The following EIF2AK2 variants were observed in gnomAD, a reference collection of about 807,000 sequenced individuals.
EIF2AK2 encodes interferon-induced, double-stranded RNA-activated protein kinase.
Under a neutral mutation model 70.5 loss-of-function variants are expected in EIF2AK2, and 40 were observed. That is an observed-to-expected ratio of 0.57 (90% CI 0.44 to 0.74). The LOEUF is 0.74. Ranked by LOEUF, EIF2AK2 falls within the 30% of genes least tolerant of loss-of-function variation. The pLI is 0.00. For missense variants in EIF2AK2, 555 were observed against 644.3 expected, an observed-to-expected ratio of 0.86 and a Z score of 1.50; for synonymous variants, 198 against 220.9, an observed-to-expected ratio of 0.90 and a Z score of 0.92.
chr2:37,114,850 T>C lies in EIF2AK2; in HGVS notation c.1258A>G (p.Ile420Val). ...LIHRDLKPSN[I>V]FLVDTKQVKI... ...ACTTGTTTTGTATCTACTAAGAATA[T>C]ATTACTTGGCTATGAAAAAAAAAAA... The change falls in exon 14 of 17, where the codon ATA becomes GTA. Residue 420 changes from isoleucine (I) to valine (V), a missense_variant. Ile to Val is a conservative substitution (Grantham distance 29). Transcript: ENST00000233057. The C allele has an allele frequency of 6.4e-7, 1 of 1,569,768 alleles. No individual in the cohort carries two copies. Among genetic ancestry groups the C allele is most frequent in the East Asian group, 2.3e-5 (1 of 43,858 alleles).
chr2:37,125,005 ATTATTT>A (rs1401481169), intron 11 of EIF2AK2, among the ~76,000 whole-genome samples: 2 of 151,586 alleles, frequency 1.3e-5, no homozygotes, highest in Non-Finnish European at 2.9e-5. Context: ...TATTCTTTTT[ATTATTT>A]TTATTTTTAT....
rs1171064420 is a variant in EIF2AK2 at position 37,103,394 on chromosome 2, C to T, written c.*3879G>A. On this transcript the variant is annotated 3_prime_UTR_variant, in exon 17 of 17. Transcript: ENST00000233057. ...TATTTTTAGTAGAGATGGGGTTTCA[C>T]CATGTTGGCCAGGCTGGTCTCGAAC... 1 of 152,076 alleles carries T rather than the reference C, an allele frequency of 6.6e-6. No individual in the cohort carries two copies. Among genetic ancestry groups the T allele is most frequent in the South Asian group, 2.1e-4 (1 of 4,818 alleles). 9.4% of individuals were successfully genotyped at this position (152,076 alleles called of 1,614,324 possible).
intron 9 of EIF2AK2, 105 bp from the exon 10 acceptor site, chr2:37,135,651 C>T: frequency 2.0e-6 from 2 of 1,008,296 alleles, no homozygotes; most frequent in Non-Finnish European, 2.9e-6. Context: ...TCTTCAGAGG[C>T]AAGGTCTCAC....
At chr2:37,139,592 T>C (rs1486042965) in intron 6 of EIF2AK2, 39 bp downstream of exon 6, 1 of 1,598,398 alleles carries the variant, frequency 6.3e-7, no homozygotes, top group Non-Finnish European at 8.5e-7. Context: ...TCAGAGGGAA[T>C]TTTAAAACAT....
rs138060765 is a variant in EIF2AK2, at chr2:37,124,123, A to G, written c.909-1459T>C. 2.9e-3 allele frequency among the ~76,000 whole-genome samples: 439 copies of G among 151,736 alleles called. 5 individuals are homozygous for G. Among genetic ancestry groups the G allele is most frequent in the African/African-American group, 0.01 (423 of 41,312 alleles). On this transcript the variant is annotated intron_variant, in intron 11 of 16. Transcript: ENST00000233057. ...GCTAGGACCACAGGCACACACCACC[A>G]CACTTGGCTAGTTTTTATATTTTTT...
At chr2:37,156,321 G>C (rs1202169160) in intron 1 of EIF2AK2, among the ~76,000 whole-genome samples, 1 of 152,150 alleles carries the variant, frequency 6.6e-6, no homozygotes, top group Non-Finnish European at 1.5e-5. Context: ...GGAAAGCTAC[G>C]GGGAAGGTCG....
At chr2:37,134,910 G>T (rs763037957) in intron 10 of EIF2AK2, among the ~76,000 whole-genome samples, 3 of 152,130 alleles carry the variant, frequency 2.0e-5, no homozygotes, top group Non-Finnish European at 4.4e-5. Flanking sequence ...GGAAGAGGAG[G>T]GCCATCCACG....
chr2:37,125,968 G>A (rs1226806599), intron 11 of EIF2AK2, among the ~76,000 whole-genome samples: 1 of 152,156 alleles, frequency 6.6e-6, no homozygotes, highest in African/African-American at 2.4e-5. Context: ...GGTAATGATA[G>A]GTTCTATCTG....
intron 4 of EIF2AK2, among the ~76,000 whole-genome samples, chr2:37,144,620 G>A (rs1378013545): frequency 2.0e-5 from 3 of 150,032 alleles, no homozygotes; most frequent in South Asian, 4.2e-4. Context: ...GTCTTGCTCT[G>A]TTGCCCAGGC....
At position 37,129,478 on chromosome 2, in the gene EIF2AK2, G is replaced by A. The variant is rs1674866020; in HGVS notation, c.786-3067C>T. 1.3e-5 allele frequency among the ~76,000 whole-genome samples: 2 copies of A among 152,148 alleles called. 1 individual carries two copies. The highest frequency in any genetic ancestry group is 1.3e-4 in the Admixed American group (2 of 15,270). ...CATTACAGGAGGAAATCTCTTCACT[G>A]TTGGTGCTGACAACGGAAGACTGAG... is the stretch of plus-strand genomic sequence containing the variant. On this transcript the variant is annotated intron_variant, in intron 10 of 16. Transcript: ENST00000233057.
chr2:37,137,875 G>C (rs528531931), intron 8 of EIF2AK2, among the ~76,000 whole-genome samples: 3 of 152,218 alleles, frequency 2.0e-5, no homozygotes, highest in Admixed American at 2.0e-4. Context: ...CACTTGGGGA[G>C]GCCGAGGTGG....
At position 37,103,862 on chromosome 2, in the gene EIF2AK2, G is replaced by C. The variant is rs1431015952; in HGVS notation, c.*3411C>G. 6.6e-6 allele frequency: 1 copy of C among 152,146 alleles called. No individual in the cohort carries two copies. The highest frequency in any genetic ancestry group is 1.5e-5 in the Non-Finnish European group (1 of 68,044). The allele number at this position is 152,146 out of a possible 1,614,324, so 9.4% of individuals were successfully genotyped here. ...TTGCCTAAAAAAACATTTTTGGCTG[G>C]GTGCAGTGACTCATGCCTGTAATCT... On this transcript the variant is annotated 3_prime_UTR_variant, in exon 17 of 17. Transcript: ENST00000233057.
chr2:37,125,741 C>A lies in EIF2AK2; in HGVS notation c.908+548G>T, dbSNP rs536885094. Among the ~76,000 whole-genome samples the A allele has an allele frequency of 2.0e-5, 3 of 152,308 alleles. No individual in the cohort carries two copies. The East Asian group carries it at 5.8e-4, about 29-fold the overall frequency. Reference sequence around the variant, plus strand: ...CCCAAGTGAGAATTGTCCAGATGAGCACAATCAACCCATGGAACCATTAGA... The same window carrying A: ...CCCAAGTGAGAATTGTCCAGATGAGAACAATCAACCCATGGAACCATTAGA... On this transcript the variant is annotated intron_variant, in intron 11 of 16. Transcript: ENST00000233057.
intron 14 of EIF2AK2, among the ~76,000 whole-genome samples, chr2:37,110,241 T>A (rs1452055110): frequency 6.6e-6 from 1 of 151,142 alleles, no homozygotes; most frequent in Admixed American, 6.6e-5. Context: ...TGGCTCATTT[T>A]TGTAGTTTTG....
chr2:37,104,968 C>T lies in EIF2AK2; in HGVS notation c.*2305G>A, dbSNP rs1235655955. Reference sequence around the variant, plus strand: ...ATTTTCCCCTGTATAATTGATACCTCTTCTGTAGGATTATATTTAAATCCT... The same window carrying T: ...ATTTTCCCCTGTATAATTGATACCTTTTCTGTAGGATTATATTTAAATCCT... On this transcript the variant is annotated 3_prime_UTR_variant, in exon 17 of 17. Coordinates refer to ENST00000233057, the MANE Select transcript of EIF2AK2 (RefSeq NM_001135651.3). 6.6e-6 allele frequency: 1 copy of T among 152,202 alleles called. No homozygotes were observed. Among genetic ancestry groups the T allele is most frequent in the African/African-American group, 2.4e-5 (1 of 41,452 alleles). 9.4% of individuals were successfully genotyped at this position (152,202 alleles called of 1,614,324 possible).
chr2:37,135,838 C>T lies in EIF2AK2; in HGVS notation c.723-292G>A, dbSNP rs537557941. Among the ~76,000 whole-genome samples the T allele has an allele frequency of 1.3e-4, 20 of 152,266 alleles. No homozygotes were observed. The East Asian group carries it at 2.1e-3, about 16-fold the overall frequency. On this transcript the variant is annotated intron_variant, in intron 9 of 16. Transcript: ENST00000233057. ...GTAGAGACAGGGTCTCTTCATGTTA[C>T]CCAGTCTGGTCTCGAACTCCTGGAC...
At chr2:37,123,897 G>A (rs1398691710) in intron 11 of EIF2AK2, among the ~76,000 whole-genome samples, 6 of 152,032 alleles carry the variant, frequency 3.9e-5, no homozygotes, top group African/African-American at 1.4e-4. Context: ...AAGTTTTAAA[G>A]TATATGACAC....
rs954102900 is a variant in EIF2AK2 at position 37,101,821 on chromosome 2, T to C, written c.*5452A>G. On this transcript the variant is annotated 3_prime_UTR_variant, in exon 17 of 17. Coordinates refer to ENST00000233057, the MANE Select transcript of EIF2AK2 (RefSeq NM_001135651.3). ...GAGATAGAAACAATACAGACTATTA[T>C]ATGATAATTAAGGAAATCTTGTCAA... is the stretch of plus-strand genomic sequence containing the variant. 6.6e-6 allele frequency: 1 copy of C among 152,226 alleles called. No homozygotes were observed. Among genetic ancestry groups the C allele is most frequent in the Non-Finnish European group, 1.5e-5 (1 of 68,036 alleles). The allele number at this position is 152,226 out of a possible 1,614,324, so 9.4% of individuals were successfully genotyped here.
intron 8 of EIF2AK2, among the ~76,000 whole-genome samples, 175 bp from the exon 9 acceptor site, chr2:37,137,192 T>G (rs1675158501): frequency 6.6e-6 from 1 of 152,236 alleles, no homozygotes. Context: ...CTTAACTTTT[T>G]GCCAATCTAA....
Sources: gnomAD v4.1 joint callset for allele counts (sites outside exome capture counted in the v4.1 genomes callset) on GRCh38, gnomAD v4.1.1 for gene constraint, MANE v1.5 for transcripts, NCBI Gene and HGNC (gene_info 2026-07-23, HGNC 2026-07-21) for gene names.